Variants in RNF214 observed in about 807,000 individuals in gnomAD.
RNF214 encodes ring finger protein 214.
Under a neutral mutation model 75.9 loss-of-function variants are expected in RNF214, and 25 were observed. The ratio of observed to expected loss-of-function variants is 0.33; its 90% confidence interval spans 0.24 to 0.46. The LOEUF (loss-of-function observed/expected upper bound fraction) is 0.46. RNF214 is among the 20% of genes least tolerant of loss of function. The pLI, the probability that RNF214 is intolerant of heterozygous loss-of-function variation, is 1.00. For missense variants in RNF214, 725 were observed against 857.5 expected, an observed-to-expected ratio of 0.85 and a Z score of 1.93; for synonymous variants, 314 against 308.8, an observed-to-expected ratio of 1.02 and a Z score of -0.18.
chr11:117,270,241 C>CTTTTTTTTTTTTTTTTTTTTTT (rs57144374), intron 6 of RNF214, among the ~76,000 whole-genome samples: 34 of 75,868 alleles, frequency 4.5e-4, no homozygotes, highest in Non-Finnish European at 6.7e-4. Context: ...CTTTTCTTTT[C>CTTTTTTTTTTTTTTTTTTTTTT]TTTTTTTTTT....
At position 117,246,841 on chromosome 11, in the gene RNF214, A is replaced by G. The variant is rs1479148078; in HGVS notation, c.852A>G (p.Ile284Met). Residue 284 changes from isoleucine (I) to methionine (M), a missense_variant, in exon 6 of 15, where the codon ATA becomes ATG. Ile to Met is a conservative substitution (Grantham distance 10). Coordinates refer to ENST00000300650, the MANE Select transcript of RNF214 (RefSeq NM_207343.4). ...TAAAGGCTATTCAGGATGTGACAAT[A>G]AAGCGGGAAGAAACAAAGAAGAAGA... ...EILKAIQDVT[I>M]KREETKKKIE... 1 of 1,611,422 alleles carries G rather than the reference A, an allele frequency of 6.2e-7. No homozygotes were observed. The highest frequency in any genetic ancestry group is 8.5e-7 in the Non-Finnish European group (1 of 1,178,502).
Position 117,238,423 on chromosome 11 carries a change from A to G in RNF214, c.108-178A>G, listed in dbSNP as rs191057756. ...CCTCTCTAAAAACAAAACCAAAAAC[A>G]AAAAACTAGGTCTTAACCACCAGGC... is the stretch of plus-strand genomic sequence containing the variant. On this transcript the variant is annotated intron_variant, in intron 2 of 14. Transcript: ENST00000300650. Among the ~76,000 whole-genome samples the G allele has an allele frequency of 4.8e-4, 73 of 152,322 alleles. No individual in the cohort carries two copies. In the East Asian group the frequency reaches 0.012, roughly 25 times the overall value.
intron 1 of RNF214, among the ~76,000 whole-genome samples, chr11:117,233,424 G>C (rs944388345): frequency 2.0e-5 from 3 of 151,316 alleles, no homozygotes; most frequent in African/African-American, 4.8e-5. Flanking sequence ...TCAGTGTTCC[G>C]GGGGGGAATA....
Position 117,280,531 on chromosome 11 carries a change from A to T in RNF214, c.1145+272A>T, listed in dbSNP as rs527961986. Reference sequence around the variant, plus strand: ...GATAAACACTATCTGTTAAAGCCAGACGTAATAGCATGCTCCTGTAATCCC... The same window carrying T: ...GATAAACACTATCTGTTAAAGCCAGTCGTAATAGCATGCTCCTGTAATCCC... On this transcript the variant is annotated intron_variant, in intron 8 of 14. Coordinates refer to ENST00000300650, the MANE Select transcript of RNF214 (RefSeq NM_207343.4). Among the ~76,000 whole-genome samples the T allele has an allele frequency of 5.9e-4, 90 of 152,266 alleles. 1 individual carries two copies. Among genetic ancestry groups the T allele is most frequent in the Non-Finnish European group, 7.2e-4 (49 of 68,026 alleles).
chr11:117,247,207 G>A (rs558558004), intron 6 of RNF214, among the ~76,000 whole-genome samples: 1 of 152,056 alleles, frequency 6.6e-6, no homozygotes, highest in Non-Finnish European at 1.5e-5. Context: ...AGTTCGATAC[G>A]GGCTGGACGT....
At chr11:117,263,386 C>T (rs2033719945) in intron 6 of RNF214, among the ~76,000 whole-genome samples, 1 of 151,926 alleles carries the variant, frequency 6.6e-6, no homozygotes, top group East Asian at 2.0e-4. Context: ...AGCGATTCTC[C>T]TGCCTCAGCC....
At chr11:117,276,262 A>G (rs923918097) in intron 6 of RNF214, among the ~76,000 whole-genome samples, 5 of 152,212 alleles carry the variant, frequency 3.3e-5, no homozygotes, top group South Asian at 2.1e-4. Context: ...ATATATGACA[A>G]ACTCACAGCC....
intron 11 of RNF214, 25 bp from the exon 12 acceptor site, chr11:117,282,379 C>T (rs776509581): frequency 6.2e-7 from 1 of 1,611,948 alleles, no homozygotes; most frequent in Non-Finnish European, 8.5e-7. Context: ...TAGGCTTTCT[C>T]TCCCTCAACA....
At chr11:117,260,378 G>A (rs1037381607) in intron 6 of RNF214, among the ~76,000 whole-genome samples, 7 of 152,214 alleles carry the variant, frequency 4.6e-5, no homozygotes, top group African/African-American at 1.2e-4. Flanking sequence ...ACCATTTATC[G>A]AAAAGACTTT....
At chr11:117,249,615 C>T (rs1001721559) in intron 6 of RNF214, among the ~76,000 whole-genome samples, 1 of 152,204 alleles carries the variant, frequency 6.6e-6, no homozygotes, top group Non-Finnish European at 1.5e-5. Flanking sequence ...ATACCACTGA[C>T]TACGTGGCTT....
rs765164272 is a variant in RNF214 at position 117,282,820 on chromosome 11, C to G, written c.1920C>G (p.Ala640=). 1.2e-6 allele frequency: 2 copies of G among 1,614,018 alleles called. No individual in the cohort carries two copies. The highest frequency in any genetic ancestry group is 3.3e-5 in the Admixed American group (2 of 60,018). The change falls in exon 13 of 15, where the codon GCC becomes GCG. Residue 640 remains alanine (A), a synonymous_variant. Transcript: ENST00000300650. The part of the protein sequence containing the change: ...QISTPMFLPS[A]QVSYPGRSSH... Reference sequence around the variant, plus strand: ...GTACCCCAATGTTCTTGCCTTCTGCCCAAGTTTCATATCCTGGAAGGTCTT... The same window carrying G: ...GTACCCCAATGTTCTTGCCTTCTGCGCAAGTTTCATATCCTGGAAGGTCTT...
At chr11:117,255,226 T>C (rs1426096877) in intron 6 of RNF214, among the ~76,000 whole-genome samples, 2 of 152,224 alleles carry the variant, frequency 1.3e-5, no homozygotes, top group African/African-American at 4.8e-5. Flanking sequence ...AATGGAAACT[T>C]CCCTCAGTTT....
intron 8 of RNF214, 30 bp downstream of exon 8, chr11:117,280,289 T>C (rs2034100429): frequency 6.8e-7 from 1 of 1,470,942 alleles, no homozygotes; most frequent in African/African-American, 1.4e-5. Flanking sequence ...AGAGCTTTAA[T>C]TGTTTTGCAG....
At chr11:117,282,977 A>C in intron 13 of RNF214, 127 bp downstream of exon 13, 1 of 993,900 alleles carries the variant, frequency 1.0e-6, no homozygotes, top group Non-Finnish European at 1.5e-6. Flanking sequence ...GGAAAATGCA[A>C]ATATTTTAGG....
intron 5 of RNF214, among the ~76,000 whole-genome samples, chr11:117,246,549 G>A (rs1194744414): frequency 6.6e-6 from 1 of 152,118 alleles, no homozygotes; most frequent in Admixed American, 6.5e-5. Flanking sequence ...GCTTCACAAG[G>A]CAGTATATTT....
intron 6 of RNF214, among the ~76,000 whole-genome samples, chr11:117,249,336 T>C (rs1446438880): frequency 4.6e-5 from 7 of 152,218 alleles, no homozygotes; most frequent in Non-Finnish European, 1.0e-4. Context: ...TTGCTACAGA[T>C]GGTGATTGAT....
In RNF214 at chr11:117,247,605, C is replaced by T. The variant is rs370645460; in HGVS notation, c.959+657C>T. ...CAGTGGCTCACGCCTGTAATCCCAG[C>T]ACCTTGGGAGGCCGAGGCAGGTGGA... On this transcript the variant is annotated intron_variant, in intron 6 of 14. Transcript: ENST00000300650. 5.3e-5 allele frequency among the ~76,000 whole-genome samples: 8 copies of T among 152,098 alleles called. No individual in the cohort carries two copies. In the East Asian group the frequency reaches 1.5e-3, roughly 29 times the overall value.
intron 6 of RNF214, among the ~76,000 whole-genome samples, chr11:117,277,554 T>G (rs1281285075): frequency 6.6e-6 from 1 of 152,124 alleles, no homozygotes; most frequent in African/African-American, 2.4e-5. Flanking sequence ...ATGTGGAGAA[T>G]TGGGTCAAAA....
intron 6 of RNF214, among the ~76,000 whole-genome samples, chr11:117,253,042 T>C (rs1240028836): frequency 1.3e-5 from 2 of 152,208 alleles, no homozygotes; most frequent in African/African-American, 4.8e-5. Context: ...AAACAGGATC[T>C]CACTCTGTTG....
Sources: allele counts gnomAD v4.1 joint callset (sites outside exome capture counted in the v4.1 genomes callset), GRCh38; gene constraint gnomAD v4.1.1; transcripts MANE v1.5; gene names NCBI Gene and HGNC (gene_info 2026-07-23, HGNC 2026-07-21).